COL11A1: variants seen among roughly 807,000 people sequenced by gnomAD.
The protein encoded by COL11A1 is collagen type XI alpha 1 chain, also known as collagen alpha-1(XI) chain.
Under a neutral mutation model 265.2 loss-of-function variants are expected in COL11A1, and 74 were observed. That is an observed-to-expected ratio of 0.28 (90% CI 0.23 to 0.34). The LOEUF is 0.34. COL11A1 is among the 10% of genes least tolerant of loss of function. The pLI, the probability that COL11A1 is intolerant of heterozygous loss-of-function variation, is 1.00. For missense variants in COL11A1, 2,165 were observed against 2,263.6 expected, an observed-to-expected ratio of 0.96 and a Z score of 0.88; for synonymous variants, 816 against 727.6, an observed-to-expected ratio of 1.12 and a Z score of -1.96.
At chr1:102,900,358 G>A (rs756231304) in intron 54 of COL11A1, among the ~76,000 whole-genome samples, 1 of 152,012 alleles carries the variant, frequency 6.6e-6, no homozygotes, top group Non-Finnish European at 1.5e-5. Flanking sequence ...TTTCAAATTT[G>A]TTCTATTGTT....
chr1:102,900,900 C>CA (rs1475480229), intron 54 of COL11A1, among the ~76,000 whole-genome samples: 3 of 151,534 alleles, frequency 2.0e-5, no homozygotes, highest in South Asian at 2.1e-4. Context: ...TTCCAGATGA[C>CA]AAAAAAATAA....
At chr1:102,970,382 T>G (rs1661851300) in intron 36 of COL11A1, 110 bp from the exon 37 acceptor site, 1 of 761,044 alleles carries the variant, frequency 1.3e-6, no homozygotes, top group Non-Finnish European at 2.2e-6. Flanking sequence ...CATTAGCTAT[T>G]TTACTTTGCT....
intron 4 of COL11A1, among the ~76,000 whole-genome samples, chr1:103,051,799 T>C (rs946842382): frequency 2.0e-5 from 3 of 152,208 alleles, no homozygotes; most frequent in African/African-American, 7.2e-5. Context: ...CAATCTCACA[T>C]TAACTGTGTG....
intron 4 of COL11A1, among the ~76,000 whole-genome samples, chr1:103,037,254 G>T (rs200223236): frequency 7.5e-4 from 2 of 2,660 alleles, no homozygotes; most frequent in Non-Finnish European, 1.1e-3. Flanking sequence ...CATTTAGATT[G>T]TGTGTGTGTG....
chr1:103,003,291 G>A (rs776661194), intron 20 of COL11A1, 23 bp from the exon 21 acceptor site: 10 of 1,605,406 alleles, frequency 6.2e-6, no homozygotes, highest in African/African-American at 1.4e-5. Context: ...GAAAAAGCAC[G>A]CCTTTATTAA....
chr1:103,031,326 G>A (rs1303378676), intron 4 of COL11A1, 82 bp from the exon 5 acceptor site: 20 of 1,480,982 alleles, frequency 1.4e-5, no homozygotes, highest in Non-Finnish European at 1.8e-5. Context: ...AGCGAGATGT[G>A]GTTTATTTTT....
At chr1:102,955,912 C>G (rs2101519661) in intron 41 of COL11A1, among the ~76,000 whole-genome samples, 1 of 152,232 alleles carries the variant, frequency 6.6e-6, no homozygotes. Context: ...CCCCTGAGAT[C>G]AGAAGACATG....
At chr1:102,913,233 T>C (rs1478011444) in intron 53 of COL11A1, among the ~76,000 whole-genome samples, 1 of 152,142 alleles carries the variant, frequency 6.6e-6, no homozygotes, top group African/African-American at 2.4e-5. Flanking sequence ...AGGCCTATAC[T>C]ATGTTGAGAG....
chr1:102,973,040 T>C (rs1219723231), intron 36 of COL11A1, among the ~76,000 whole-genome samples: 1 of 152,054 alleles, frequency 6.6e-6, no homozygotes, highest in Non-Finnish European at 1.5e-5. Flanking sequence ...GATGAACCAA[T>C]TAATTTACAG....
chr1:103,051,167 G>A (rs899225463), intron 4 of COL11A1, among the ~76,000 whole-genome samples: 6 of 152,326 alleles, frequency 3.9e-5, no homozygotes, highest in African/African-American at 1.4e-4. Context: ...GGTTACTGCT[G>A]TCTTTTTGTT....
chr1:102,926,564 T>C (rs1385300329), intron 46 of COL11A1, among the ~76,000 whole-genome samples: 14 of 152,218 alleles, frequency 9.2e-5, no homozygotes, highest in Non-Finnish European at 1.5e-4. Context: ...ATTAGCATCA[T>C]TCAGTTTCCT....
At chr1:102,977,684 C>G (rs1381780496) in intron 35 of COL11A1, among the ~76,000 whole-genome samples, 1 of 152,060 alleles carries the variant, frequency 6.6e-6, no homozygotes, top group Non-Finnish European at 1.5e-5. Flanking sequence ...ATTAAAATGA[C>G]TGACCATAAA....
chr1:102,899,048 A>C, intron 54 of COL11A1, 54 bp from the exon 55 acceptor site: 1 of 1,050,286 alleles, frequency 9.5e-7, no homozygotes, highest in Non-Finnish European at 1.4e-6. Context: ...AGTAATGTTA[A>C]TGAGCACTTG....
rs138828179 is a variant in COL11A1 at position 103,087,230 on chromosome 1, C to T, written c.107-4258G>A. Among the ~76,000 whole-genome samples the T allele has an allele frequency of 3.5e-3, 535 of 152,298 alleles. 1 individual carries two copies. Among genetic ancestry groups the T allele is most frequent in the Middle Eastern group, 0.034 (10 of 294 alleles). On this transcript the variant is annotated intron_variant, in intron 1 of 66. Transcript: ENST00000370096. The stretch of plus-strand genomic sequence containing the variant: ...CAATTCAGATGTATCCAATTCAGCA[C>T]AATGTTTTGTTCAATTATATTTTCC...
chr1:103,004,302 T>G, intron 20 of COL11A1, 142 bp downstream of exon 20: 2 of 644,568 alleles, frequency 3.1e-6, no homozygotes, highest in South Asian at 2.1e-5. Context: ...CTTTTTAATT[T>G]TTTTCGCATG....
chr1:102,947,729 C>G (rs1324955073), intron 41 of COL11A1, among the ~76,000 whole-genome samples: 1 of 151,672 alleles, frequency 6.6e-6, no homozygotes, highest in East Asian at 1.9e-4. Context: ...TAGTAATTAT[C>G]TGTACCAACA....
intron 1 of COL11A1, among the ~76,000 whole-genome samples, chr1:103,084,454 A>T (rs1202625264): frequency 6.6e-6 from 1 of 152,170 alleles, no homozygotes; most frequent in African/African-American, 2.4e-5. Context: ...AATAGCCAAA[A>T]GGTGGAAACA....
At chr1:103,075,661 C>A (rs906250501) in intron 3 of COL11A1, among the ~76,000 whole-genome samples, 1 of 152,046 alleles carries the variant, frequency 6.6e-6, no homozygotes. Context: ...CCACTCAATT[C>A]TGCAAGCCAG....
chr1:102,963,233 T>A (rs1215839142), intron 38 of COL11A1, among the ~76,000 whole-genome samples: 3 of 152,156 alleles, frequency 2.0e-5, no homozygotes, highest in Non-Finnish European at 1.5e-5. Flanking sequence ...TGGTTCTCCC[T>A]GGAATTTCCA....
Sources: allele counts gnomAD v4.1 joint callset (sites outside exome capture counted in the v4.1 genomes callset), GRCh38; gene constraint gnomAD v4.1.1; transcripts MANE v1.5; gene names NCBI Gene and HGNC (gene_info 2026-07-23, HGNC 2026-07-21).